The following WDR59 variants were observed in gnomAD, a reference collection of about 807,000 sequenced individuals.
The protein encoded by WDR59 is WD repeat domain 59, also known as GATOR2 complex protein WDR59.
WDR59 carries 100 observed loss-of-function variants against 131.2 expected under a neutral mutation model. The ratio of observed to expected loss-of-function variants is 0.76; its 90% CI spans 0.65 to 0.90. The LOEUF is 0.90. Ranked by LOEUF, WDR59 falls within the 40% of genes least tolerant of loss-of-function variation. The pLI, the probability that WDR59 is intolerant of heterozygous loss-of-function variation, is 0.00. For missense variants in WDR59, 1,203 were observed against 1,262.2 expected (o/e 0.95, Z 0.71); for synonymous variants, 601 against 466.2 (o/e 1.29, Z -3.72).
rs746887756 is a variant in WDR59, at chr16:74,888,268, A to G, written c.2247T>C (p.Cys749=). ...GCCGAGACTGGGCTTCAAACACGCT[A>G]CAGAGCATCGCCAGTGTCTGAACAT... The part of the protein sequence containing the change: ...LRDVQTLAML[C]SVFEAQSRPQ... Residue 749 remains cysteine, a synonymous_variant, in exon 22 of 26, where the codon TGT becomes TGC. Coordinates refer to ENST00000262144, the MANE Select transcript of WDR59 (RefSeq NM_030581.4). The G allele has an allele frequency of 4.3e-6, 7 of 1,613,970 alleles. No individual in the cohort carries two copies. Among genetic ancestry groups the G allele is most frequent in the Non-Finnish European group, 5.9e-6 (7 of 1,179,968 alleles).
chr16:74,958,592 CAAAAAAAAAAAAAAAAAAAAA>C lies in WDR59; in HGVS notation c.105-2003_105-1983del, dbSNP rs747175030. 1.5e-4 allele frequency among the ~76,000 whole-genome samples: 2 copies of C among 13,234 alleles called. 1 individual carries two copies. The highest frequency in any genetic ancestry group is 3.4e-3 in the Admixed American group (2 of 588). 8.7% of individuals were successfully genotyped at this position (13,234 alleles called of 152,430 possible). ...TGGGGGACAGGCTGAGACTCCATCTCAAAAAAAAAAAAAAAAAAAAAAAAAAAACAAGCTAAATAAAGCCAA... is the reference window on the plus strand; with the variant it reads ...TGGGGGACAGGCTGAGACTCCATCTCAAAAAAACAAGCTAAATAAAGCCAA... On this transcript the variant is annotated intron_variant, in intron 2 of 25. Coordinates refer to ENST00000262144, the MANE Select transcript of WDR59 (RefSeq NM_030581.4).
intron 10 of WDR59, 148 bp from the exon 11 acceptor site, chr16:74,918,156 A>G: frequency 1.5e-6 from 1 of 687,680 alleles, no homozygotes; most frequent in South Asian, 1.8e-5. Flanking sequence ...AGGTACCAGG[A>G]CTACAGCATG....
chr16:74,882,807 C>CAAAAAAAAAAAAAAAAAAAAAAAAAA (rs569507124), intron 25 of WDR59, among the ~76,000 whole-genome samples: 4 of 51,418 alleles, frequency 7.8e-5, no homozygotes, highest in Non-Finnish European at 1.3e-4. Context: ...AACACTGTCT[C>CAAAAAAAAAAAAAAAAAAAAAAAAAA]AAAAAAAAAA....
At chr16:74,879,684 C>T (rs1049283514) in intron 25 of WDR59, among the ~76,000 whole-genome samples, 1 of 151,994 alleles carries the variant, frequency 6.6e-6, no homozygotes, top group African/African-American at 2.4e-5. Context: ...GAAATAGTAT[C>T]TTGTTCTAAT....
chr16:74,882,903 A>G, intron 25 of WDR59, among the ~76,000 whole-genome samples: 1 of 150,696 alleles, frequency 6.6e-6, no homozygotes, highest in African/African-American at 2.4e-5. Context: ...AAAGAGTCAA[A>G]TCATTCTATG....
In WDR59 at chr16:74,971,693, A is replaced by G. The variant is rs374236979; in HGVS notation, c.55-5871T>C. 1.5e-4 allele frequency among the ~76,000 whole-genome samples: 23 copies of G among 151,930 alleles called. 3 individuals carry two copies. Among genetic ancestry groups the G allele is most frequent in the South Asian group, 1.0e-3 (5 of 4,806 alleles). ...AGTGATCCACCTGCCTGGGCCTCCC[A>G]AAGTGCAGGGATTACAGGTGTGAGC... On this transcript the variant is annotated intron_variant, in intron 1 of 25. Transcript: ENST00000262144.
In WDR59 at chr16:74,874,246, C is replaced by T. The variant is rs1335663784; in HGVS notation, c.2888G>A (p.Gly963Glu). The change falls in exon 26 of 26, where the codon GGG becomes GAG. Residue 963 changes from glycine to glutamate, a missense_variant. Coordinates refer to ENST00000262144, the MANE Select transcript of WDR59 (RefSeq NM_030581.4). The part of the protein sequence containing the change: ...WFRTQEVCPT[G>E]CGCHCLLEST... Reference sequence around the variant, plus strand: ...TTCAAGCAGGCAGTGGCACCCACACCCGGTGGGACACACCTCCTGGGTCCG... The same window carrying T: ...TTCAAGCAGGCAGTGGCACCCACACTCGGTGGGACACACCTCCTGGGTCCG... 6.2e-7 allele frequency: 1 copy of T among 1,614,044 alleles called. No individual in the cohort carries two copies. The highest frequency in any genetic ancestry group is 8.5e-7 in the Non-Finnish European group (1 of 1,180,044).
intron 5 of WDR59, among the ~76,000 whole-genome samples, chr16:74,949,042 AT>A (rs1320072629): frequency 6.6e-6 from 1 of 152,092 alleles, no homozygotes; most frequent in East Asian, 1.9e-4. Flanking sequence ...ATTACAGGCC[AT>A]GTACAATGGC....
At position 74,903,929 on chromosome 16, in the gene WDR59, T is replaced by C. The variant is rs201750051; in HGVS notation, c.1866+18A>G. ...AGGAGAAGGGGTAAGAATCAAAGGC[T>C]ACGGCTCTGGCACTTACCCGCTCCT... On this transcript the variant is annotated intron_variant, in intron 18 of 25. Transcript: ENST00000262144. 39 of 1,600,812 alleles carry C rather than the reference T, an allele frequency of 2.4e-5. No homozygotes were observed. Among genetic ancestry groups the C allele is most frequent in the Non-Finnish European group, 3.2e-5 (38 of 1,173,858 alleles).
At chr16:74,876,740 G>A (rs1211466731) in intron 25 of WDR59, among the ~76,000 whole-genome samples, 1 of 152,118 alleles carries the variant, frequency 6.6e-6, no homozygotes, top group Non-Finnish European at 1.5e-5. Flanking sequence ...CCTTGCCTCT[G>A]CCCTGTATAT....
At chr16:74,898,941 C>A (rs1380465000) in intron 18 of WDR59, among the ~76,000 whole-genome samples, 1 of 152,182 alleles carries the variant, frequency 6.6e-6, no homozygotes, top group African/African-American at 2.4e-5. Flanking sequence ...CTGATTCCAA[C>A]TGGTTTTCTA....
rs775316270 is a variant in WDR59 at position 74,984,949 on chromosome 16, C to A, written c.54+15G>T. 3.1e-6 allele frequency: 5 copies of A among 1,602,550 alleles called. No individual in the cohort carries two copies. The highest frequency in any genetic ancestry group is 4.3e-6 in the Non-Finnish European group (5 of 1,174,860). On this transcript the variant is annotated intron_variant, in intron 1 of 25. Transcript: ENST00000262144. Reference sequence around the variant, plus strand: ...GGACGCATGCCCAGAGGGCTCCACTCGGCCTCTAGCTCACCTGGGAGTCAC... The same window carrying A: ...GGACGCATGCCCAGAGGGCTCCACTAGGCCTCTAGCTCACCTGGGAGTCAC...
chr16:74,887,156 T>C (rs555409712), intron 23 of WDR59, among the ~76,000 whole-genome samples: 2 of 152,338 alleles, frequency 1.3e-5, no homozygotes, highest in African/African-American at 4.8e-5. Context: ...ATAATTACAA[T>C]TTTCTTCTCT....
intron 23 of WDR59, 185 bp from the exon 24 acceptor site, chr16:74,886,581 T>C: frequency 1.5e-6 from 1 of 674,068 alleles, no homozygotes; most frequent in Non-Finnish European, 2.3e-6. Flanking sequence ...CGCAGGTATT[T>C]ATTACTAAGA....
chr16:74,879,126 G>C (rs1043066402), intron 25 of WDR59, among the ~76,000 whole-genome samples: 1 of 152,090 alleles, frequency 6.6e-6, no homozygotes, highest in Admixed American at 6.5e-5. Flanking sequence ...GCCGAGGTGG[G>C]GGTATCGCTT....
At chr16:74,968,203 G>A (rs1437927658) in intron 1 of WDR59, among the ~76,000 whole-genome samples, 1 of 152,096 alleles carries the variant, frequency 6.6e-6, no homozygotes, top group Non-Finnish European at 1.5e-5. Context: ...TTAGAGGACG[G>A]GGAGACTGAG....
At chr16:74,925,474 G>T (rs1017368530) in intron 8 of WDR59, among the ~76,000 whole-genome samples, 1 of 150,070 alleles carries the variant, frequency 6.7e-6, no homozygotes, top group African/African-American at 2.4e-5. Context: ...AACCCGGGAG[G>T]CAGAGGTTGT....
intron 21 of WDR59, 73 bp from the exon 22 acceptor site, chr16:74,888,392 C>A: frequency 6.9e-7 from 1 of 1,456,292 alleles, no homozygotes; most frequent in South Asian, 1.3e-5. Context: ...ACAGTCATGG[C>A]GTGTTACTGC....
rs1402262894 is a variant in WDR59, at chr16:74,893,825, G to A, written c.1867-13C>T. 6.2e-7 allele frequency: 1 copy of A among 1,613,796 alleles called. No homozygotes were observed. On this transcript the variant is annotated splice_polypyrimidine_tract_variant and intron_variant, in intron 18 of 25. Coordinates refer to ENST00000262144, the MANE Select transcript of WDR59 (RefSeq NM_030581.4). The stretch of plus-strand genomic sequence containing the variant: ...ATCGTCTTGATTTCTAGGGGTAGAT[G>A]ACAGGATGTAACTAATGGGGACTTT...
Sources: allele counts gnomAD v4.1 joint callset (sites outside exome capture counted in the v4.1 genomes callset), GRCh38; gene constraint gnomAD v4.1.1; transcripts MANE v1.5; gene names NCBI Gene and HGNC (gene_info 2026-07-23, HGNC 2026-07-21).